Variants in GALNT2 observed in about 807,000 individuals in gnomAD.
The protein encoded by GALNT2 is polypeptide N-acetylgalactosaminyltransferase 2.
GALNT2 carries 31 observed loss-of-function variants against 81.4 expected under a neutral mutation model. The ratio of observed to expected loss-of-function variants is 0.38; its 90% confidence interval spans 0.29 to 0.51. GALNT2 has a LOEUF of 0.51. Ranked by LOEUF, GALNT2 falls within the 20% of genes least tolerant of loss-of-function variation. The probability of loss-of-function intolerance (pLI) is 0.87; values close to 1 mark genes in which losing one functional copy is unlikely to be tolerated. For synonymous variants in GALNT2, 303 were observed against 287.4 expected, an observed-to-expected ratio of 1.05 and a Z score of -0.55; for missense variants, 629 against 765.7, an observed-to-expected ratio of 0.82 and a Z score of 2.11.
At chr1:230,201,016 T>C (rs1663877022) in intron 2 of GALNT2, among the ~76,000 whole-genome samples, 1 of 152,074 alleles carries the variant, frequency 6.6e-6, no homozygotes, top group Non-Finnish European at 1.5e-5. Context: ...TGGTGAGGAG[T>C]AGAAGCTGCT....
intron 1 of GALNT2, among the ~76,000 whole-genome samples, chr1:230,085,652 T>C (rs1361421397): frequency 6.6e-6 from 1 of 152,212 alleles, no homozygotes. Context: ...TGGTTCTGAA[T>C]GTAGGCGGTA....
chr1:230,220,437 G>A (rs7512360), intron 3 of GALNT2, among the ~76,000 whole-genome samples: 86,357 of 151,838 alleles, frequency 0.57, 27,241 homozygotes, highest in East Asian at 0.89. Context: ...GATGAGGGGA[G>A]CAGGGCATAA....
At chr1:230,186,386 T>C (rs539219569) in intron 2 of GALNT2, among the ~76,000 whole-genome samples, 1 of 152,348 alleles carries the variant, frequency 6.6e-6, no homozygotes, top group Non-Finnish European at 1.5e-5. Flanking sequence ...CCCTGTCATC[T>C]TTCCAGCTCC....
intron 2 of GALNT2, among the ~76,000 whole-genome samples, chr1:230,202,733 C>A (rs540135542): frequency 6.6e-6 from 1 of 152,122 alleles, no homozygotes; most frequent in Non-Finnish European, 1.5e-5. Flanking sequence ...TGATGGAATA[C>A]CTTATGTGCA....
chr1:230,205,191 A>C (rs1293866604), intron 3 of GALNT2, among the ~76,000 whole-genome samples: 1 of 152,190 alleles, frequency 6.6e-6, no homozygotes, highest in East Asian at 1.9e-4. Flanking sequence ...CAGTGAAAGA[A>C]GATTTTTCTC....
intron 1 of GALNT2, among the ~76,000 whole-genome samples, chr1:230,132,068 C>CT (rs11389622): frequency 0.029 from 4,327 of 148,750 alleles, 86 homozygotes; most frequent in Non-Finnish European, 0.046. Flanking sequence ...AGCAGGGTGC[C>CT]TTTTTCCTCT....
At chr1:230,091,338 T>C (rs1283474965) in intron 1 of GALNT2, among the ~76,000 whole-genome samples, 3 of 152,188 alleles carry the variant, frequency 2.0e-5, no homozygotes, top group African/African-American at 7.2e-5. Flanking sequence ...CCTCCCAAAG[T>C]GCTGGGATTA....
chr1:230,230,277 C>A (rs1208348657), intron 3 of GALNT2, among the ~76,000 whole-genome samples: 1 of 152,056 alleles, frequency 6.6e-6, no homozygotes, highest in Non-Finnish European at 1.5e-5. Context: ...ATCTCAGGGG[C>A]AGACTCAAAC....
chr1:230,182,069 G>C (rs942947220), intron 2 of GALNT2, among the ~76,000 whole-genome samples: 2 of 152,070 alleles, frequency 1.3e-5, no homozygotes, highest in African/African-American at 4.8e-5. Flanking sequence ...ATATCCATGG[G>C]ATCTGTAGTT....
intron 8 of GALNT2, among the ~76,000 whole-genome samples, chr1:230,246,726 A>T (rs966165269): frequency 1.3e-5 from 2 of 151,588 alleles, no homozygotes; most frequent in Non-Finnish European, 2.9e-5. Flanking sequence ...TGCCTACATC[A>T]CCCTGGTCCC....
chr1:230,155,924 G>A (rs955401092), intron 1 of GALNT2, among the ~76,000 whole-genome samples: 15 of 152,136 alleles, frequency 9.9e-5, no homozygotes. Context: ...CATGGAGAGG[G>A]GAGGGAACTA....
At chr1:230,123,706 T>C (rs551081859) in intron 1 of GALNT2, among the ~76,000 whole-genome samples, 29 of 152,350 alleles carry the variant, frequency 1.9e-4, no homozygotes, top group Non-Finnish European at 3.5e-4. Flanking sequence ...AGGAAAAATA[T>C]ATATTTTATT....
At chr1:230,063,390 TG>T (rs1306442028), upstream of GALNT2, among the ~76,000 whole-genome samples, 7 of 152,232 alleles carry the variant, frequency 4.6e-5, no homozygotes, top group Non-Finnish European at 7.3e-5. Flanking sequence ...TGTTGTGTTT[TG>T]TTTTTTATTT....
chr1:230,078,555 T>C (rs991489521), intron 1 of GALNT2, among the ~76,000 whole-genome samples: 3 of 152,226 alleles, frequency 2.0e-5, no homozygotes, highest in Admixed American at 1.3e-4. Context: ...ATTCTTTTCA[T>C]AGGGAGCATC....
intron 3 of GALNT2, among the ~76,000 whole-genome samples, chr1:230,229,619 G>A (rs936999027): frequency 6.6e-6 from 1 of 152,194 alleles, no homozygotes; most frequent in African/African-American, 2.4e-5. Flanking sequence ...TAAAAAGACA[G>A]TGTCCACTGC....
At position 230,279,069 on chromosome 1, in the gene GALNT2, G is replaced by A. The variant is rs892710966; in HGVS notation, c.1561-234G>A. On this transcript the variant is annotated intron_variant, in intron 15 of 15. Transcript: ENST00000366672. This position sits in a 1 kb window ranked among gnomAD's most constrained non-coding sequence, Gnocchi z 4.6. The stretch of plus-strand genomic sequence containing the variant: ...CCACAGAAAGTTTGGGGCAGGAGAC[G>A]TTCTGAGTTTTGATCCAAGGCAGAG... Among the ~76,000 whole-genome samples, 4 of 152,206 alleles carry A rather than the reference G, an allele frequency of 2.6e-5. No homozygotes were observed. The highest frequency in any genetic ancestry group is 4.1e-4 in the South Asian group (2 of 4,826).
chr1:230,174,583 C>T (rs568683587), intron 1 of GALNT2, among the ~76,000 whole-genome samples: 38 of 152,108 alleles, frequency 2.5e-4, no homozygotes, highest in African/African-American at 8.9e-4. Flanking sequence ...AACCTGGGGC[C>T]GTCTTTGATT....
upstream of GALNT2, chr1:230,067,112 T>G (rs1659210265): frequency 5.7e-6 from 1 of 176,788 alleles, no homozygotes; most frequent in Non-Finnish European, 1.1e-5. Flanking sequence ...GGGGCGGAGC[T>G]CGGGCGCCGA....
intron 1 of GALNT2, among the ~76,000 whole-genome samples, chr1:230,126,488 C>CT (rs1009321159): frequency 3.9e-5 from 6 of 152,052 alleles, no homozygotes. Flanking sequence ...CAGTTGAGGA[C>CT]TAACGGATGC....
Sources: allele counts gnomAD v4.1 joint callset (sites outside exome capture counted in the v4.1 genomes callset), GRCh38; gene constraint gnomAD v4.1.1; non-coding constraint Gnocchi (gnomAD v3.1); transcripts MANE v1.5; gene names NCBI Gene and HGNC (gene_info 2026-07-23, HGNC 2026-07-21).